The following TENT4B variants were observed in gnomAD, a reference collection of about 807,000 sequenced individuals.
The protein encoded by TENT4B is terminal nucleotidyltransferase 4B.
TENT4B carries 10 observed loss-of-function variants against 75.0 expected under a neutral mutation model. That is an observed-to-expected ratio of 0.13 (90% confidence interval 0.08 to 0.23). The LOEUF (loss-of-function observed/expected upper bound fraction) is 0.23, where lower values mean the gene tolerates loss of function less well. Ranked by LOEUF, TENT4B falls within the 10% of genes least tolerant of loss-of-function variation. The pLI is 1.00. For missense variants in TENT4B, 579 were observed against 893.8 expected, an observed-to-expected ratio of 0.65 and a Z score of 4.49; for synonymous variants, 350 against 357.7, an observed-to-expected ratio of 0.98 and a Z score of 0.24.
chr16:50,203,916 G>A (rs770525798), intron 1 of TENT4B, among the ~76,000 whole-genome samples: 1 of 152,218 alleles, frequency 6.6e-6, no homozygotes, highest in Non-Finnish European at 1.5e-5. Flanking sequence ...GGCCTGGTCT[G>A]CCATGCTCCA....
At chr16:50,163,417 C>CTTTTT (rs559720798) in intron 1 of TENT4B, among the ~76,000 whole-genome samples, 1 of 132,982 alleles carries the variant, frequency 7.5e-6, no homozygotes, top group African/African-American at 2.8e-5. Context: ...GATATAATTT[C>CTTTTT]TTTTTTTTTT....
chr16:50,173,959 G>A (rs2038254790), intron 1 of TENT4B, among the ~76,000 whole-genome samples: 2 of 151,886 alleles, frequency 1.3e-5, no homozygotes, highest in South Asian at 2.1e-4. Context: ...CTCCCAAAGT[G>A]CTGGGATTAC....
At chr16:50,195,672 A>G (rs2030185170) in intron 1 of TENT4B, among the ~76,000 whole-genome samples, 1 of 152,236 alleles carries the variant, frequency 6.6e-6, no homozygotes, top group African/African-American at 2.4e-5. Context: ...AGTGTGCAGT[A>G]CTTATGCATA....
intron 1 of TENT4B, among the ~76,000 whole-genome samples, chr16:50,204,196 T>C (rs974775162): frequency 1.6e-4 from 24 of 152,132 alleles, no homozygotes; most frequent in Admixed American, 2.0e-4. Context: ...AGGGAGAGGC[T>C]CATAGTAGGG....
In TENT4B at chr16:50,221,722, C is replaced by A. The variant is rs374158125; in HGVS notation, c.1039-584C>A. 2.2e-4 allele frequency among the ~76,000 whole-genome samples: 33 copies of A among 151,926 alleles called. No homozygotes were observed. The South Asian group carries it at 6.6e-3, about 31-fold the overall frequency. On this transcript the variant is annotated intron_variant, in intron 5 of 11. Coordinates refer to ENST00000561678, the MANE Select transcript of TENT4B (RefSeq NM_001365324.3). ...TTAGAGGGTCATGGTCACAAATGAGCATCATCAGTTACATGCTGTTAGTGT... is the reference window on the plus strand; with the variant it reads ...TTAGAGGGTCATGGTCACAAATGAGAATCATCAGTTACATGCTGTTAGTGT...
chr16:50,191,479 G>A (rs2038637539), intron 1 of TENT4B, among the ~76,000 whole-genome samples: 1 of 151,796 alleles, frequency 6.6e-6, no homozygotes, highest in Admixed American at 6.6e-5. Context: ...TTACTGTGTT[G>A]CCCAGGCTGG....
upstream of TENT4B, chr16:50,153,053 G>C: frequency 6.7e-7 from 1 of 1,486,204 alleles, no homozygotes; most frequent in Non-Finnish European, 8.9e-7. Flanking sequence ...GCACTCCACA[G>C]ATGGCGCAAG....
Position 50,233,356 on chromosome 16 carries a change from T to TA in TENT4B, c.*4029dup. 2.0e-6 allele frequency: 2 copies of TA among 985,440 alleles called. No individual in the cohort carries two copies. The highest frequency in any genetic ancestry group is 2.4e-6 in the Non-Finnish European group (2 of 829,906). The allele number at this position is 985,440 out of a possible 1,614,324, so 61.0% of individuals were successfully genotyped here. A position where few individuals can be genotyped will look rare whatever the true frequency, so the allele number is the denominator to read the frequency against. On this transcript the variant is annotated 3_prime_UTR_variant, in exon 12 of 12. Transcript: ENST00000561678. ...ATAAGTGTTAAAGATCAAATTTTAA[T>TA]ATGCTTCTCGATATTTAACATAGCT...
intron 1 of TENT4B, among the ~76,000 whole-genome samples, chr16:50,167,666 T>TTG (rs2038127695): frequency 2.0e-5 from 3 of 151,364 alleles, no homozygotes; most frequent in African/African-American, 7.3e-5. Context: ...TTGAGGTTTT[T>TTG]TTGTTGTTGT....
chr16:50,220,422 C>T (rs190502642), intron 5 of TENT4B, among the ~76,000 whole-genome samples: 1 of 152,054 alleles, frequency 6.6e-6, no homozygotes, highest in East Asian at 1.9e-4. Context: ...TCAAGCAGTC[C>T]TCCTTCCTTG....
intron 2 of TENT4B, among the ~76,000 whole-genome samples, chr16:50,211,777 A>C (rs1194146167): frequency 2.6e-5 from 4 of 152,192 alleles, no homozygotes; most frequent in Non-Finnish European, 5.9e-5. Flanking sequence ...ATTGGATATG[A>C]TATATCAAAA....
At position 50,234,585 on chromosome 16, in the gene TENT4B, T is replaced by G. The variant is rs188439709; in HGVS notation, c.*5257T>G. The G allele has an allele frequency of 1.1e-5, 11 of 983,462 alleles. No homozygotes were observed. Among genetic ancestry groups the G allele is most frequent in the Middle Eastern group, 5.2e-4 (1 of 1,908 alleles). 60.9% of individuals were successfully genotyped at this position (983,462 alleles called of 1,614,324 possible). ...TGTTTTGTCCCTGAACTTAATCTCC[T>G]AATTTTAAGATCCTCTCTGATTTTT... On this transcript the variant is annotated 3_prime_UTR_variant, in exon 12 of 12. Coordinates refer to ENST00000561678, the MANE Select transcript of TENT4B (RefSeq NM_001365324.3).
intron 1 of TENT4B, among the ~76,000 whole-genome samples, chr16:50,177,617 CT>C (rs1227440673): frequency 2.6e-5 from 4 of 151,706 alleles, no homozygotes; most frequent in East Asian, 1.9e-4. Flanking sequence ...TGTCTTTGCC[CT>C]TTTTTTTCTT....
intron 1 of TENT4B, among the ~76,000 whole-genome samples, chr16:50,183,403 G>T (rs2038461408): frequency 6.6e-6 from 1 of 151,878 alleles, no homozygotes; most frequent in South Asian, 2.1e-4. Context: ...TGTGTTCATT[G>T]GAGTGTGTGT....
chr16:50,161,738 A>G (rs949578163), intron 1 of TENT4B, among the ~76,000 whole-genome samples: 13 of 152,232 alleles, frequency 8.5e-5, no homozygotes, highest in Admixed American at 2.0e-4. Context: ...ACCTAATGGT[A>G]GTAGCTCACA....
At chr16:50,204,115 A>G (rs2150725962) in intron 1 of TENT4B, among the ~76,000 whole-genome samples, 1 of 152,258 alleles carries the variant, frequency 6.6e-6, no homozygotes, top group East Asian at 1.9e-4. Context: ...GTGTTACCAT[A>G]AGGAGGTTGG....
intron 1 of TENT4B, among the ~76,000 whole-genome samples, chr16:50,178,958 G>A (rs760039660): frequency 7.2e-5 from 11 of 152,028 alleles, no homozygotes; most frequent in East Asian, 1.9e-4. Context: ...GATTAAAATG[G>A]TACATTTTAT....
intron 1 of TENT4B, among the ~76,000 whole-genome samples, chr16:50,206,087 T>C (rs757048559): frequency 2.6e-5 from 4 of 152,216 alleles, no homozygotes; most frequent in African/African-American, 4.8e-5. Context: ...GACATTGATA[T>C]CATTTCTAAA....
At chr16:50,228,145 C>T in intron 11 of TENT4B, 142 bp downstream of exon 11, 5 of 1,031,340 alleles carry the variant, frequency 4.8e-6, no homozygotes, top group Non-Finnish European at 5.6e-6. Flanking sequence ...GGTTCCAACA[C>T]ATGACAGTGC....
Sources: gnomAD v4.1 joint callset for allele counts (sites outside exome capture counted in the v4.1 genomes callset) on GRCh38, gnomAD v4.1.1 for gene constraint, MANE v1.5 for transcripts, NCBI Gene and HGNC (gene_info 2026-07-23, HGNC 2026-07-21) for gene names.